Variants in SNX29 observed in about 807,000 individuals in gnomAD.
The protein encoded by SNX29 is sorting nexin-29.
Under a neutral mutation model 102.1 loss-of-function variants are expected in SNX29, and 78 were observed. That is an observed-to-expected ratio of 0.76 (90% CI 0.64 to 0.92). SNX29 has a LOEUF of 0.92. SNX29 is among the 40% of genes least tolerant of loss of function. The probability of loss-of-function intolerance (pLI) is 0.00; values close to 1 mark genes in which losing one functional copy is unlikely to be tolerated. For missense variants in SNX29, 1,280 were observed against 1,061.7 expected, an observed-to-expected ratio of 1.21 and a Z score of -2.86; for synonymous variants, 580 against 414.5, an observed-to-expected ratio of 1.40 and a Z score of -4.85.
chr16:12,125,258 CCTTT>C (rs2054155310), intron 11 of SNX29, among the ~76,000 whole-genome samples: 1 of 152,112 alleles, frequency 6.6e-6, no homozygotes, highest in African/African-American at 2.4e-5. Flanking sequence ...GCTCTCGGTC[CCTTT>C]CTTTCTTCTC....
intron 20 of SNX29, among the ~76,000 whole-genome samples, chr16:12,535,138 A>G (rs1039078884): frequency 6.6e-6 from 1 of 152,164 alleles, no homozygotes; most frequent in Non-Finnish European, 1.5e-5. Context: ...GTATTAGGCC[A>G]GGAGCTTTTC....
At chr16:12,053,752 G>A (rs2050404181) in intron 8 of SNX29, among the ~76,000 whole-genome samples, 1 of 151,004 alleles carries the variant, frequency 6.6e-6, no homozygotes, top group African/African-American at 2.4e-5. Flanking sequence ...TGTACTAGTA[G>A]TGTTACCTTA....
intron 16 of SNX29, among the ~76,000 whole-genome samples, chr16:12,366,169 A>G (rs1356632536): frequency 6.6e-6 from 1 of 151,376 alleles, no homozygotes; most frequent in Non-Finnish European, 1.5e-5. Flanking sequence ...AAACTGTTGG[A>G]TTAGAGATAG....
intron 20 of SNX29, among the ~76,000 whole-genome samples, chr16:12,535,677 C>G (rs988797185): frequency 6.6e-6 from 1 of 152,120 alleles, no homozygotes; most frequent in Non-Finnish European, 1.5e-5. Context: ...TGGGGCTTTC[C>G]AGGTCCTGCA....
chr16:12,399,008 A>T (rs1002046492), intron 17 of SNX29, among the ~76,000 whole-genome samples: 2 of 152,028 alleles, frequency 1.3e-5, no homozygotes, highest in Admixed American at 6.6e-5. Context: ...GTTCAATTCT[A>T]TTTGGCACCT....
At chr16:12,014,343 C>T (rs1419665314) in intron 3 of SNX29, among the ~76,000 whole-genome samples, 1 of 152,134 alleles carries the variant, frequency 6.6e-6, no homozygotes, top group Non-Finnish European at 1.5e-5. Context: ...CATTCCTCAT[C>T]CGCCAAGAGT....
chr16:12,385,619 C>T (rs73513914), intron 16 of SNX29, among the ~76,000 whole-genome samples: 7,205 of 152,240 alleles, frequency 0.047, 346 homozygotes, highest in African/African-American at 0.13. Flanking sequence ...GTAGTTACCT[C>T]CCACCCTGTG....
Position 12,003,007 on chromosome 16 carries a change from G to C in SNX29, c.86G>C (p.Gly29Ala), listed in dbSNP as rs757554816. Reference sequence around the variant, plus strand: ...TCTGTGCAGTGCCAGATCCGCTTTGGAGGGAGAAAGGAGATTGCCTCGGAT... The same window carrying C: ...TCTGTGCAGTGCCAGATCCGCTTTGCAGGGAGAAAGGAGATTGCCTCGGAT... Reference protein sequence around the residue: ...DAVKQCQIRFGGRKEIASDSD... With the variant: ...DAVKQCQIRFAGRKEIASDSD... The change falls in exon 3 of 21, where the codon GGA becomes GCA. Residue 29 changes from glycine (G) to alanine (A), a missense_variant. Gly to Ala is a moderately conservative substitution (Grantham distance 60). Coordinates refer to ENST00000566228, the MANE Select transcript of SNX29 (RefSeq NM_032167.5). 9 of 1,614,214 alleles carry C rather than the reference G, an allele frequency of 5.6e-6. No individual in the cohort carries two copies. Among genetic ancestry groups the C allele is most frequent in the Non-Finnish European group, 7.6e-6 (9 of 1,180,034 alleles).
At chr16:12,558,071 C>G (rs915747245) in intron 20 of SNX29, among the ~76,000 whole-genome samples, 7 of 152,200 alleles carry the variant, frequency 4.6e-5, no homozygotes, top group Middle Eastern at 3.2e-3. Context: ...TGATTGTGCT[C>G]TGAACATCCC....
rs181955535 is a variant in SNX29, at chr16:12,003,029, G to A, written c.108G>A (p.Ser36=). 1.4e-5 allele frequency: 23 copies of A among 1,614,148 alleles called. No individual in the cohort carries two copies. In the Admixed American group the frequency reaches 2.2e-4, roughly 15 times the overall value. ...IRFGGRKEIA[S]DSDSRVTCLC... ...TTGGAGGGAGAAAGGAGATTGCCTC[G>A]GATTCCGACAGCAGGTAAATATGTC... is the stretch of plus-strand genomic sequence containing the variant. Residue 36 remains serine (S), a synonymous_variant, in exon 3 of 21, where the codon TCG becomes TCA. Coordinates refer to ENST00000566228, the MANE Select transcript of SNX29 (RefSeq NM_032167.5).
rs147999056 is a variant in SNX29 at position 12,570,270 on chromosome 16, G to A, written c.*1641G>A. 1,078 of 1,064,760 alleles carry A rather than the reference G, an allele frequency of 1.0e-3. 4 individuals are homozygous for A. In the African/African-American group the frequency reaches 0.013, roughly 13 times the overall value. 66.0% of individuals were successfully genotyped at this position (1,064,760 alleles called of 1,614,324 possible). On this transcript the variant is annotated 3_prime_UTR_variant, in exon 21 of 21. Coordinates refer to ENST00000566228, the MANE Select transcript of SNX29 (RefSeq NM_032167.5). ...TGAGCTGGAGCATGTATGGAGGTGCGGACCCTGCAGTCAGTTTGCGAGTGT... is the reference window on the plus strand; with the variant it reads ...TGAGCTGGAGCATGTATGGAGGTGCAGACCCTGCAGTCAGTTTGCGAGTGT...
intron 18 of SNX29, among the ~76,000 whole-genome samples, chr16:12,474,097 AAGTGTT>A (rs1178379176): frequency 6.6e-6 from 1 of 152,172 alleles, no homozygotes; most frequent in African/African-American, 2.4e-5. Flanking sequence ...CTGTGATAGA[AAGTGTT>A]AGAGGGCAGA....
intron 4 of SNX29, among the ~76,000 whole-genome samples, chr16:12,032,796 C>T (rs2057380962): frequency 6.6e-6 from 1 of 151,880 alleles, no homozygotes; most frequent in Admixed American, 6.6e-5. Context: ...ACTAGCAATG[C>T]ACACGAGATC....
At chr16:12,528,852 C>A (rs1022443235) in intron 20 of SNX29, among the ~76,000 whole-genome samples, 2 of 152,216 alleles carry the variant, frequency 1.3e-5, no homozygotes. Flanking sequence ...TGGTCCCATT[C>A]TGGTTTGGGA....
At chr16:12,537,901 C>T (rs370362245) in intron 20 of SNX29, among the ~76,000 whole-genome samples, 1 of 151,176 alleles carries the variant, frequency 6.6e-6, no homozygotes, top group Non-Finnish European at 1.5e-5. Flanking sequence ...AGGAGAGTCA[C>T]TGGAACCCAG....
At chr16:12,250,361 G>A (rs549008086) in intron 14 of SNX29, among the ~76,000 whole-genome samples, 45 of 152,142 alleles carry the variant, frequency 3.0e-4, no homozygotes, top group Admixed American at 2.5e-3. Flanking sequence ...ACAAGTCAGA[G>A]CCCCAGGAGA....
chr16:12,542,678 A>G (rs2077395358), intron 20 of SNX29, among the ~76,000 whole-genome samples: 1 of 151,960 alleles, frequency 6.6e-6, no homozygotes, highest in East Asian at 1.9e-4. Context: ...TGTTGGGAAC[A>G]TGGACTTTGG....
intron 19 of SNX29, among the ~76,000 whole-genome samples, chr16:12,481,552 A>C (rs544880699): frequency 0.026 from 3,079 of 119,406 alleles, 57 homozygotes; most frequent in East Asian, 0.059. Context: ...ACACACACAC[A>C]CACCCCAAAT....
intron 3 of SNX29, among the ~76,000 whole-genome samples, chr16:12,005,765 A>G (rs373210206): frequency 5.3e-5 from 8 of 152,220 alleles, no homozygotes; most frequent in African/African-American, 1.9e-4. Context: ...CATGATGCTC[A>G]AAGGAAATGC....
Sources: gnomAD v4.1 joint callset for allele counts (sites outside exome capture counted in the v4.1 genomes callset) on GRCh38, gnomAD v4.1.1 for gene constraint, MANE v1.5 for transcripts, NCBI Gene and HGNC (gene_info 2026-07-23, HGNC 2026-07-21) for gene names.